PIEZO2: variants seen among roughly 807,000 people sequenced by gnomAD.
PIEZO2 encodes the protein piezo type mechanosensitive ion channel component 2.
PIEZO2 carries 172 observed loss-of-function variants against 337.3 expected under a neutral mutation model. The ratio of observed to expected loss-of-function variants is 0.51; its 90% CI spans 0.45 to 0.58. PIEZO2 has a LOEUF of 0.58. Ranked by LOEUF, PIEZO2 falls within the 20% of genes least tolerant of loss-of-function variation. The pLI is 0.00. For synonymous variants in PIEZO2, 1,251 were observed against 1,228.5 expected, an observed-to-expected ratio of 1.02 and a Z score of -0.38; for missense variants, 3,028 against 3,391.3, an observed-to-expected ratio of 0.89 and a Z score of 2.66.
intron 3 of PIEZO2, among the ~76,000 whole-genome samples, chr18:10,919,177 T>C (rs1356732800): frequency 2.0e-5 from 3 of 152,098 alleles, no homozygotes; most frequent in Admixed American, 2.0e-4. Context: ...ATTTTAACAT[T>C]TTATGTGCAT....
rs564631939 is a variant in PIEZO2, at chr18:11,126,494, C to T, written c.64+22031G>A. Among the ~76,000 whole-genome samples, 200 of 152,156 alleles carry T rather than the reference C, an allele frequency of 1.3e-3. 1 individual carries two copies. The Middle Eastern group carries it at 0.014, about 10-fold the overall frequency. ...TAGTGCCAGTTTCTTGGTCATCTCC[C>T]GCCATCATTCAAAATACTCCAAGGC... is the stretch of plus-strand genomic sequence containing the variant. On this transcript the variant is annotated intron_variant, in intron 1 of 55. Coordinates refer to ENST00000674853, the MANE Select transcript of PIEZO2 (RefSeq NM_001378183.1). This position sits in a 1 kb window ranked among gnomAD's most constrained non-coding sequence, Gnocchi z 4.6.
Position 10,696,084 on chromosome 18 carries a change from C to T in PIEZO2, c.7180G>A (p.Val2394Met), listed in dbSNP as rs2035068188. 1 of 1,613,684 alleles carries T rather than the reference C, an allele frequency of 6.2e-7. No homozygotes were observed. The highest frequency in any genetic ancestry group is 1.3e-5 in the African/African-American group (1 of 75,042). Residue 2394 changes from valine (V) to methionine (M), a missense_variant, in exon 47 of 56, where the codon GTG (valine) becomes ATG (methionine). Val to Met is a conservative substitution (Grantham distance 21). This residue lies in a region of PIEZO2 where 179 missense variants were observed against 281.8 expected (regional missense o/e 0.64). Transcript: ENST00000674853. The part of the protein sequence containing the change: ...HFWMFFILPG[V>M]TERKFSQNLV... Reference sequence around the variant, plus strand: ...TTCTGAAGACCTTACCTCTCAGTCACACCAGGTAAGATGAAGAACATCCAG... The same window carrying T: ...TTCTGAAGACCTTACCTCTCAGTCATACCAGGTAAGATGAAGAACATCCAG...
intron 2 of PIEZO2, among the ~76,000 whole-genome samples, chr18:10,998,861 C>CAAAAA (rs10544415): frequency 6.7e-5 from 8 of 118,808 alleles, no homozygotes; most frequent in Non-Finnish European, 9.0e-5. Context: ...TCAAATACAG[C>CAAAAA]AAAAAAAAAA....
rs1193610295 is a variant in PIEZO2 at position 10,856,712 on chromosome 18, T to C, written c.703+289A>G. ...CATTCCAAAGCTCTAAGGAAGAGGA[T>C]TGTTGTTATTCTAATCTAAACCTAG... On this transcript the variant is annotated intron_variant, in intron 6 of 55. Coordinates refer to ENST00000674853, the MANE Select transcript of PIEZO2 (RefSeq NM_001378183.1). This position sits in a 1 kb window ranked among gnomAD's most constrained non-coding sequence, Gnocchi z 4.7. 6.6e-6 allele frequency among the ~76,000 whole-genome samples: 1 copy of C among 152,164 alleles called. No homozygotes were observed. Among genetic ancestry groups the C allele is most frequent in the East Asian group, 1.9e-4 (1 of 5,202 alleles).
At chr18:10,991,113 C>A (rs1487731767) in intron 2 of PIEZO2, among the ~76,000 whole-genome samples, 2 of 149,522 alleles carry the variant, frequency 1.3e-5, no homozygotes, top group East Asian at 4.0e-4. Flanking sequence ...CCAGTAAAAT[C>A]AACTATGCTT....
At position 10,716,729 on chromosome 18, in the gene PIEZO2, G is replaced by T. The variant is rs2036024949; in HGVS notation, c.5090-913C>A. Reference sequence around the variant, plus strand: ...AATCATTCAGATAGAGCCTCTAGCTGCTCTGTGTAGACATAAAGGGGAAGC... The same window carrying T: ...AATCATTCAGATAGAGCCTCTAGCTTCTCTGTGTAGACATAAAGGGGAAGC... On this transcript the variant is annotated intron_variant, in intron 37 of 55. Coordinates refer to ENST00000674853, the MANE Select transcript of PIEZO2 (RefSeq NM_001378183.1). The surrounding 1 kb of genome is among the most constrained non-coding windows in gnomAD (Gnocchi z 4.1). 6.6e-6 allele frequency among the ~76,000 whole-genome samples: 1 copy of T among 152,218 alleles called. No individual in the cohort carries two copies. Among genetic ancestry groups the T allele is most frequent in the Non-Finnish European group, 1.5e-5 (1 of 68,048 alleles).
At chr18:10,703,795 G>T (rs76896642) in intron 42 of PIEZO2, among the ~76,000 whole-genome samples, 1 of 152,130 alleles carries the variant, frequency 6.6e-6, no homozygotes, top group Non-Finnish European at 1.5e-5. Context: ...CTCATACCCC[G>T]CATGGGATGA....
chr18:11,046,960 T>C (rs2037339957), intron 2 of PIEZO2, among the ~76,000 whole-genome samples: 1 of 152,208 alleles, frequency 6.6e-6, no homozygotes, highest in Non-Finnish European at 1.5e-5. Context: ...TCTCTCTTAC[T>C]TTTTCCTGCA....
In PIEZO2 at chr18:10,807,153, T is replaced by C. The variant is rs2040026358; in HGVS notation, c.1039A>G (p.Thr347Ala). Reference protein sequence around the residue: ...NPILLLVMYYTLATLIRIWLQ... With the variant: ...NPILLLVMYYALATLIRIWLQ... ...CAGATGCGGATCAGAGTGGCCAGAG[T>C]GTAGTACATCACCAGCAGGAGGATA... The change falls in exon 8 of 56, where the codon ACT becomes GCT. Residue 347 changes from threonine (T) to alanine (A), a missense_variant. This residue lies in a region of PIEZO2 where 542 missense variants were observed against 605.6 expected (regional missense o/e 0.89). Coordinates refer to ENST00000674853, the MANE Select transcript of PIEZO2 (RefSeq NM_001378183.1). 2 of 1,537,080 alleles carry C rather than the reference T, an allele frequency of 1.3e-6. No individual in the cohort carries two copies. Among genetic ancestry groups the C allele is most frequent in the Non-Finnish European group, 1.7e-6 (2 of 1,146,910 alleles).
chr18:10,715,465 A>G (rs2035975802), intron 38 of PIEZO2, among the ~76,000 whole-genome samples, 185 bp downstream of exon 38: 1 of 152,256 alleles, frequency 6.6e-6, no homozygotes, highest in Non-Finnish European at 1.5e-5. Flanking sequence ...GTGCATGTGC[A>G]TGACATTTAA....
rs149060071 is a variant in PIEZO2 at position 10,886,195 on chromosome 18, T to C, written c.330-14780A>G. Among the ~76,000 whole-genome samples, 467 of 148,296 alleles carry C rather than the reference T, an allele frequency of 3.1e-3. 1 individual carries two copies. The highest frequency in any genetic ancestry group is 9.6e-3 in the African/African-American group (382 of 39,684). On this transcript the variant is annotated intron_variant, in intron 4 of 55. Coordinates refer to ENST00000674853, the MANE Select transcript of PIEZO2 (RefSeq NM_001378183.1). ...TTGTGCATTTGTGCATTTTGCGCAT[T>C]TGTGTCAGATAAGTAAAGACAAGAC...
chr18:10,671,283 T>C lies in PIEZO2; in HGVS notation c.*244A>G. 2.6e-6 allele frequency: 1 copy of C among 382,996 alleles called. No individual in the cohort carries two copies. 23.7% of individuals were successfully genotyped at this position (382,996 alleles called of 1,614,324 possible). A position where few individuals can be genotyped will look rare whatever the true frequency, so the allele number is the denominator to read the frequency against. Reference sequence around the variant, plus strand: ...TGATCAATCAGAATGCGAGACACTGTTGACTAAAACATAAAGCAAGTAGCC... The same window carrying C: ...TGATCAATCAGAATGCGAGACACTGCTGACTAAAACATAAAGCAAGTAGCC... On this transcript the variant is annotated 3_prime_UTR_variant, in exon 56 of 56. Transcript: ENST00000674853.
rs1403448582 is a variant in PIEZO2 at position 11,038,469 on chromosome 18, G to A, written c.160+27658C>T. Among the ~76,000 whole-genome samples, 1 of 152,040 alleles carries A rather than the reference G, an allele frequency of 6.6e-6. No individual in the cohort carries two copies. The highest frequency in any genetic ancestry group is 1.5e-5 in the Non-Finnish European group (1 of 68,020). ...TCTCCACCCATTCCAAAAGTTTTAGGTACAATGCAGTTTCTTGTGCTCATT... is the reference window on the plus strand; with the variant it reads ...TCTCCACCCATTCCAAAAGTTTTAGATACAATGCAGTTTCTTGTGCTCATT... On this transcript the variant is annotated intron_variant, in intron 2 of 55. Transcript: ENST00000674853. The surrounding 1 kb of genome is among the most constrained non-coding windows in gnomAD (Gnocchi z 4.1).
chr18:10,827,553 C>T (rs2040713234), intron 7 of PIEZO2, among the ~76,000 whole-genome samples: 1 of 152,144 alleles, frequency 6.6e-6, no homozygotes. Flanking sequence ...ATCATCTCCC[C>T]TCCTGAAGCT....
At chr18:11,029,483 G>A (rs75943273) in intron 2 of PIEZO2, among the ~76,000 whole-genome samples, 2,934 of 152,134 alleles carry the variant, frequency 0.019, 93 homozygotes, top group African/African-American at 0.066. Flanking sequence ...CCCCTTAGGC[G>A]GCTCCCTCCT....
At chr18:10,818,464 A>G (rs563090772) in intron 7 of PIEZO2, among the ~76,000 whole-genome samples, 1 of 152,340 alleles carries the variant, frequency 6.6e-6, no homozygotes, top group East Asian at 1.9e-4. Flanking sequence ...TCACGGAAGT[A>G]TCAAAATGAT....
At position 10,677,723 on chromosome 18, in the gene PIEZO2, A is replaced by G; in HGVS notation, c.8081+24T>C. ...AGCTGCATATACCTAACAAAGCTCTATTAGTAGGAAAAAATACACTTACAC... is the reference window on the plus strand; with the variant it reads ...AGCTGCATATACCTAACAAAGCTCTGTTAGTAGGAAAAAATACACTTACAC... On this transcript the variant is annotated intron_variant, in intron 53 of 55. Coordinates refer to ENST00000674853, the MANE Select transcript of PIEZO2 (RefSeq NM_001378183.1). The surrounding 1 kb of genome is among the most constrained non-coding windows in gnomAD (Gnocchi z 4.1). 2 of 1,604,552 alleles carry G rather than the reference A, an allele frequency of 1.2e-6. No homozygotes were observed. Among genetic ancestry groups the G allele is most frequent in the Non-Finnish European group, 1.7e-6 (2 of 1,177,514 alleles).
chr18:11,031,153 C>A lies in PIEZO2; in HGVS notation c.160+34974G>T, dbSNP rs1233598805. On this transcript the variant is annotated intron_variant, in intron 2 of 55. Transcript: ENST00000674853. The surrounding 1 kb of genome is among the most constrained non-coding windows in gnomAD (Gnocchi z 4.7). ...TACAGGCGCCTGCCACCATGCCTGG[C>A]TAATTTTTTTGTATTTTTTTTTTTT... 2.7e-5 allele frequency among the ~76,000 whole-genome samples: 4 copies of A among 149,120 alleles called. No individual in the cohort carries two copies. In the South Asian group the frequency reaches 6.3e-4, roughly 24 times the overall value.
intron 2 of PIEZO2, among the ~76,000 whole-genome samples, chr18:11,013,688 G>A (rs2035983350): frequency 6.6e-6 from 1 of 152,164 alleles, no homozygotes; most frequent in South Asian, 2.1e-4. Context: ...AAAATGAGAT[G>A]CAACATTCTA....
Sources: allele counts gnomAD v4.1 joint callset (sites outside exome capture counted in the v4.1 genomes callset), GRCh38; gene constraint gnomAD v4.1.1; regional missense constraint gnomAD v4.1.1; non-coding constraint Gnocchi (gnomAD v3.1); transcripts MANE v1.5; gene names NCBI Gene and HGNC (gene_info 2026-07-23, HGNC 2026-07-21).